WWOX: variants seen among roughly 807,000 people sequenced by gnomAD.
WWOX encodes WW domain containing oxidoreductase.
Under a neutral mutation model 46.2 loss-of-function variants are expected in WWOX, and 69 were observed. The ratio of observed to expected loss-of-function variants is 1.49; its 90% confidence interval spans 1.23 to 1.82. The LOEUF (loss-of-function observed/expected upper bound fraction) is 1.82, where lower values mean the gene tolerates loss of function less well. Ranked by LOEUF, WWOX falls within the 40% of genes most tolerant of loss-of-function variation. The probability of loss-of-function intolerance (pLI) is 0.00; values close to 1 mark genes in which losing one functional copy is unlikely to be tolerated. For missense variants in WWOX, 919 were observed against 542.6 expected (o/e 1.69, Z -6.89); for synonymous variants, 359 against 202.6 (o/e 1.77, Z -6.56).
chr16:79,024,745 A>T (rs2047603920), intron 8 of WWOX, among the ~76,000 whole-genome samples: 1 of 151,562 alleles, frequency 6.6e-6, no homozygotes, highest in Non-Finnish European at 1.5e-5. Flanking sequence ...CTGATTTTTA[A>T]ATTTTTCATG....
intron 8 of WWOX, among the ~76,000 whole-genome samples, chr16:79,083,885 A>G (rs144799360): frequency 3.0e-4 from 46 of 152,194 alleles, no homozygotes; most frequent in African/African-American, 1.1e-3. Context: ...TTTAATGCAA[A>G]CTGACATTTC....
chr16:78,227,723 A>G (rs938180641), intron 5 of WWOX, among the ~76,000 whole-genome samples: 1 of 152,098 alleles, frequency 6.6e-6, no homozygotes, highest in Admixed American at 6.5e-5. Flanking sequence ...CTAAAAATAC[A>G]AAAATTAGCC....
At chr16:78,325,258 C>T (rs996059625) in intron 5 of WWOX, among the ~76,000 whole-genome samples, 2 of 152,194 alleles carry the variant, frequency 1.3e-5, no homozygotes, top group Non-Finnish European at 2.9e-5. Flanking sequence ...AAATATGTTG[C>T]CTCTGATCAC....
chr16:78,443,433 T>C (rs1306956489), intron 8 of WWOX, among the ~76,000 whole-genome samples: 5 of 152,222 alleles, frequency 3.3e-5, no homozygotes, highest in Non-Finnish European at 7.3e-5. Flanking sequence ...TTGCCTGTTT[T>C]ACTGGCACCA....
chr16:78,724,587 A>G (rs1475818219), intron 8 of WWOX, among the ~76,000 whole-genome samples: 1 of 152,172 alleles, frequency 6.6e-6, no homozygotes, highest in Non-Finnish European at 1.5e-5. Flanking sequence ...GGGGACATTG[A>G]CCCACTTATG....
intron 8 of WWOX, among the ~76,000 whole-genome samples, chr16:79,195,761 C>T (rs2051227675): frequency 6.6e-6 from 1 of 152,178 alleles, no homozygotes; most frequent in Non-Finnish European, 1.5e-5. Flanking sequence ...TGGGGAAACA[C>T]TCCAGGTAGT....
At chr16:78,458,688 A>G (rs545637673) in intron 8 of WWOX, among the ~76,000 whole-genome samples, 1 of 152,318 alleles carries the variant, frequency 6.6e-6, no homozygotes, top group African/African-American at 2.4e-5. Context: ...TAGCATTAAT[A>G]TTAGGGAAGA....
Position 78,350,002 on chromosome 16 carries a change from A to G in WWOX, c.517-36858A>G, listed in dbSNP as rs976622265. ...CCTGCATTTGTACACTCTTAAGCCA[A>G]ATAACATCGTACTGTGTATTATTCT... On this transcript the variant is annotated intron_variant, in intron 5 of 8. Coordinates refer to ENST00000566780, the MANE Select transcript of WWOX (RefSeq NM_016373.4). Among the ~76,000 whole-genome samples, 2 of 121,442 alleles carry G rather than the reference A, an allele frequency of 1.6e-5. 1 individual carries two copies. Among genetic ancestry groups the G allele is most frequent in the African/African-American group, 5.6e-5 (2 of 35,820 alleles). 79.7% of individuals were successfully genotyped at this position (121,442 alleles called of 152,430 possible). A position where few individuals can be genotyped will look rare whatever the true frequency, so the allele number is the denominator to read the frequency against.
intron 8 of WWOX, among the ~76,000 whole-genome samples, chr16:78,633,717 G>GCTGGCAGGC (rs2046496388): frequency 6.6e-6 from 1 of 152,170 alleles, no homozygotes; most frequent in Non-Finnish European, 1.5e-5. Context: ...GCAAAGTTGG[G>GCTGGCAGGC]CTGGCAGGCC....
At chr16:78,384,641 A>C (rs553965907) in intron 5 of WWOX, among the ~76,000 whole-genome samples, 3 of 152,270 alleles carry the variant, frequency 2.0e-5, no homozygotes, top group Non-Finnish European at 4.4e-5. Flanking sequence ...GGAAACTAAC[A>C]ACCCACGTGT....
chr16:78,864,739 A>G (rs1174504278), intron 8 of WWOX, among the ~76,000 whole-genome samples: 3 of 103,612 alleles, frequency 2.9e-5, no homozygotes, highest in African/African-American at 1.1e-4. Flanking sequence ...CTGTGTGGCT[A>G]TTTTTCTCCA....
At chr16:78,983,660 G>A (rs971853707) in intron 8 of WWOX, among the ~76,000 whole-genome samples, 11 of 152,142 alleles carry the variant, frequency 7.2e-5, no homozygotes, top group East Asian at 1.9e-4. Flanking sequence ...CAATGGAATC[G>A]GCTGCAGGAT....
At chr16:78,225,845 A>G (rs1212488783) in intron 5 of WWOX, among the ~76,000 whole-genome samples, 2 of 152,206 alleles carry the variant, frequency 1.3e-5, no homozygotes, top group East Asian at 1.9e-4. Context: ...ATTTCCAAGC[A>G]GCACCTCTCT....
chr16:78,810,409 C>T (rs977551722), intron 8 of WWOX, among the ~76,000 whole-genome samples: 1 of 152,156 alleles, frequency 6.6e-6, no homozygotes, highest in East Asian at 1.9e-4. Flanking sequence ...AGAATGACAG[C>T]GTATTGGCAG....
intron 8 of WWOX, among the ~76,000 whole-genome samples, chr16:78,914,095 T>C (rs1356768276): frequency 6.6e-6 from 1 of 152,072 alleles, no homozygotes; most frequent in East Asian, 1.9e-4. Flanking sequence ...CATTCTGATG[T>C]AGGGAGGATA....
At chr16:78,291,902 A>C (rs1490543348) in intron 5 of WWOX, among the ~76,000 whole-genome samples, 2 of 151,810 alleles carry the variant, frequency 1.3e-5, no homozygotes, top group East Asian at 3.9e-4. Context: ...TGCCTTCGGG[A>C]TTGATAGAGA....
chr16:79,154,628 AT>A (rs1204854167), intron 8 of WWOX, among the ~76,000 whole-genome samples: 2 of 152,208 alleles, frequency 1.3e-5, no homozygotes, highest in African/African-American at 4.8e-5. Flanking sequence ...AGTTTGCAAC[AT>A]TTAAAAAAAA....
intron 8 of WWOX, among the ~76,000 whole-genome samples, chr16:78,853,110 A>C (rs559429730): frequency 3.3e-5 from 5 of 152,338 alleles, no homozygotes; most frequent in Non-Finnish European, 5.9e-5. Context: ...AAGGTGTTTA[A>C]TTTGTTGCAT....
chr16:78,480,002 C>G (rs1272413696), intron 8 of WWOX, among the ~76,000 whole-genome samples: 1 of 152,172 alleles, frequency 6.6e-6, no homozygotes, highest in Non-Finnish European at 1.5e-5. Flanking sequence ...CTCAGGCTAG[C>G]TTGTTCTCAC....
Sources: allele counts gnomAD v4.1 joint callset (sites outside exome capture counted in the v4.1 genomes callset), GRCh38; gene constraint gnomAD v4.1.1; transcripts MANE v1.5; gene names NCBI Gene and HGNC (gene_info 2026-07-23, HGNC 2026-07-21).